The following VPS13B variants were observed in gnomAD, a reference collection of about 807,000 sequenced individuals.
VPS13B encodes vacuolar protein sorting 13 homolog B.
VPS13B carries 285 observed loss-of-function variants against 426.4 expected under a neutral mutation model. The ratio of observed to expected loss-of-function variants is 0.67; its 90% CI spans 0.61 to 0.74. VPS13B has a LOEUF of 0.74. Ranked by LOEUF, VPS13B falls within the 30% of genes least tolerant of loss-of-function variation. The probability of loss-of-function intolerance (pLI) is 0.00; values close to 1 mark genes in which losing one functional copy is unlikely to be tolerated. For missense variants in VPS13B, 4,537 were observed against 4,782.6 expected (o/e 0.95, Z 1.51); for synonymous variants, 1,676 against 1,676.4 (o/e 1.00, Z 0.01).
Position 99,817,740 on chromosome 8 carries a change from T to A in VPS13B, c.8298T>A (p.Asp2766Glu). 1 of 1,614,126 alleles carries A rather than the reference T, an allele frequency of 6.2e-7. No individual in the cohort carries two copies. The highest frequency in any genetic ancestry group is 1.1e-5 in the South Asian group (1 of 91,082). Residue 2766 changes from aspartate to glutamate, a missense_variant, in exon 45 of 62, where the codon GAT (aspartate) becomes GAA (glutamate). By Grantham distance (45) the Asp-to-Glu change is conservative. Coordinates refer to ENST00000357162, the MANE Select transcript of VPS13B (RefSeq NM_152564.5). The stretch of plus-strand genomic sequence containing the variant: ...AGCTGTGTGTGAAGGCCAAAGGAGA[T>A]GAAGACTGGTCAAGAGATGTGTGCC... Reference protein sequence around the residue: ...LTELCVKAKGDEDWSRDVCLE... With the variant: ...LTELCVKAKGEEDWSRDVCLE...
At chr8:99,506,307 T>G (rs1422246194) in intron 27 of VPS13B, among the ~76,000 whole-genome samples, 1 of 152,204 alleles carries the variant, frequency 6.6e-6, no homozygotes, top group African/African-American at 2.4e-5. Context: ...AATAGAATGT[T>G]CAACTCTTTA....
intron 24 of VPS13B, among the ~76,000 whole-genome samples, chr8:99,475,869 T>A (rs1208961172): frequency 6.6e-6 from 1 of 152,214 alleles, no homozygotes; most frequent in Non-Finnish European, 1.5e-5. Context: ...ATGAACCTTA[T>A]GCACTGAGAG....
chr8:99,271,883 A>G (rs998467066), intron 17 of VPS13B, among the ~76,000 whole-genome samples: 1 of 152,212 alleles, frequency 6.6e-6, no homozygotes, highest in Admixed American at 6.5e-5. Context: ...CCTTGGGATT[A>G]TAATTCAACA....
intron 24 of VPS13B, among the ~76,000 whole-genome samples, chr8:99,481,360 A>C (rs1382050324): frequency 6.6e-6 from 1 of 152,204 alleles, no homozygotes; most frequent in African/African-American, 2.4e-5. Context: ...GTTTGCTAAT[A>C]AGCTGTGCTT....
chr8:99,519,353 G>A lies in VPS13B; in HGVS notation c.4634-1546G>A, dbSNP rs577332503. Among the ~76,000 whole-genome samples the A allele has an allele frequency of 1.1e-3, 161 of 152,248 alleles. 1 individual carries two copies. Among genetic ancestry groups the A allele is most frequent in the Non-Finnish European group, 4.4e-4 (30 of 68,012 alleles). On this transcript the variant is annotated intron_variant, in intron 29 of 61. Transcript: ENST00000357162. ...ATAGGAACACTTTTACACTGTTGGC[G>A]GGACTGTAAACTAGTTCTACCATTG...
intron 34 of VPS13B, among the ~76,000 whole-genome samples, chr8:99,656,546 TA>T (rs1438759240): frequency 6.6e-6 from 1 of 152,206 alleles, no homozygotes; most frequent in Non-Finnish European, 1.5e-5. Flanking sequence ...GAAGAATGTG[TA>T]ATATGAATCC....
chr8:99,187,989 G>GAGACAGAGACAGAGAC (rs1019383638), intron 16 of VPS13B, among the ~76,000 whole-genome samples: 1 of 149,978 alleles, frequency 6.7e-6, no homozygotes, highest in Non-Finnish European at 1.5e-5. Flanking sequence ...GAGAGTGACG[G>GAGACAGAGACAGAGAC]AGACAGAGAC....
intron 27 of VPS13B, among the ~76,000 whole-genome samples, chr8:99,505,219 C>G (rs758164923): frequency 1.3e-5 from 2 of 152,210 alleles, no homozygotes; most frequent in Non-Finnish European, 2.9e-5. Flanking sequence ...GGCTGTTTCA[C>G]TTTCTTGTCA....
chr8:99,134,567 CATA>C (rs1254386260), intron 8 of VPS13B, 62 bp from the exon 9 acceptor site: 9 of 1,294,816 alleles, frequency 7.0e-6, no homozygotes, highest in Non-Finnish European at 9.8e-6. Context: ...AATTAATCAT[CATA>C]ATGACAATTT....
chr8:99,819,323 A>G (rs1814229637), intron 47 of VPS13B, 89 bp from the exon 48 acceptor site: 1 of 1,467,814 alleles, frequency 6.8e-7, no homozygotes, highest in Non-Finnish European at 9.4e-7. Context: ...GTTGGTCTAT[A>G]ATACATTTGT....
chr8:99,053,996 G>A (rs1280083209), intron 3 of VPS13B, among the ~76,000 whole-genome samples: 4 of 152,142 alleles, frequency 2.6e-5, no homozygotes, highest in African/African-American at 7.2e-5. Context: ...GAGCCACCAC[G>A]CCCAGCCCAG....
chr8:99,770,687 C>G (rs530643934), intron 40 of VPS13B, among the ~76,000 whole-genome samples: 1 of 152,174 alleles, frequency 6.6e-6, no homozygotes, highest in South Asian at 2.1e-4. Flanking sequence ...AAAATACATA[C>G]CCTTACCTCA....
intron 49 of VPS13B, among the ~76,000 whole-genome samples, chr8:99,820,983 T>A (rs1267457413): frequency 6.6e-6 from 1 of 151,916 alleles, no homozygotes; most frequent in Non-Finnish European, 1.5e-5. Context: ...CTTTGGTATT[T>A]GCAGGGTAGT....
At chr8:99,820,832 C>T (rs1563490884) in intron 49 of VPS13B, among the ~76,000 whole-genome samples, 1 of 151,976 alleles carries the variant, frequency 6.6e-6, no homozygotes, top group African/African-American at 2.4e-5. Context: ...TCATAAACAT[C>T]TTTATTTAAT....
At chr8:99,361,984 A>G (rs1812586802) in intron 19 of VPS13B, among the ~76,000 whole-genome samples, 4 of 152,184 alleles carry the variant, frequency 2.6e-5, no homozygotes, top group Admixed American at 2.6e-4. Context: ...AGAATACACA[A>G]CAATCAGTGC....
chr8:99,428,528 A>G (rs1816872381), intron 21 of VPS13B, among the ~76,000 whole-genome samples: 1 of 152,208 alleles, frequency 6.6e-6, no homozygotes, highest in Non-Finnish European at 1.5e-5. Flanking sequence ...AAGACACATG[A>G]AAAAATGCTC....
chr8:99,069,819 C>A (rs1844762714), intron 3 of VPS13B, among the ~76,000 whole-genome samples: 1 of 152,160 alleles, frequency 6.6e-6, no homozygotes, highest in Admixed American at 6.5e-5. Context: ...TTTAAAAATT[C>A]TAAATACATT....
intron 26 of VPS13B, among the ~76,000 whole-genome samples, 156 bp from the exon 27 acceptor site, chr8:99,502,680 G>A (rs930698074): frequency 6.6e-6 from 1 of 152,134 alleles, no homozygotes; most frequent in Non-Finnish European, 1.5e-5. Flanking sequence ...TTAATAAACA[G>A]GCCTATGCTG....
intron 33 of VPS13B, among the ~76,000 whole-genome samples, chr8:99,608,395 C>T (rs1389240231): frequency 6.6e-6 from 1 of 151,806 alleles, no homozygotes; most frequent in Non-Finnish European, 1.5e-5. Flanking sequence ...GATTCTCCTG[C>T]CTCCTCCCAA....
Sources: allele counts gnomAD v4.1 joint callset (sites outside exome capture counted in the v4.1 genomes callset), GRCh38; gene constraint gnomAD v4.1.1; transcripts MANE v1.5; gene names NCBI Gene and HGNC (gene_info 2026-07-23, HGNC 2026-07-21).